Variants in GRM7 observed in about 807,000 individuals in gnomAD.
The protein encoded by GRM7 is metabotropic glutamate receptor 7.
Under a neutral mutation model 84.5 loss-of-function variants are expected in GRM7, and 35 were observed. The observed-to-expected ratio is 0.41, with a 90% CI of 0.32 to 0.55. The LOEUF (loss-of-function observed/expected upper bound fraction) is 0.55, where lower values mean the gene tolerates loss of function less well. Ranked by LOEUF, GRM7 falls within the 20% of genes least tolerant of loss-of-function variation. The pLI is 0.19. For synonymous variants in GRM7, 487 were observed against 455.1 expected (o/e 1.07, Z -0.89); for missense variants, 1,003 against 1,194.6 (o/e 0.84, Z 2.36).
At chr3:7,077,240 T>C (rs1698119836) in intron 1 of GRM7, among the ~76,000 whole-genome samples, 1 of 152,202 alleles carries the variant, frequency 6.6e-6, no homozygotes, top group Non-Finnish European at 1.5e-5. Context: ...CCCAAAGGAT[T>C]ATAAATCATT....
At chr3:7,604,940 C>T (rs1214650493) in intron 8 of GRM7, among the ~76,000 whole-genome samples, 1 of 152,112 alleles carries the variant, frequency 6.6e-6, no homozygotes. Context: ...GCTTCCTTAT[C>T]TAATCAAAAC....
Position 7,224,065 on chromosome 3 carries a change from A to G in GRM7, c.737-74619A>G, listed in dbSNP as rs75025693. Among the ~76,000 whole-genome samples, 219 of 152,322 alleles carry G rather than the reference A, an allele frequency of 1.4e-3. 4 individuals carry two copies. In the East Asian group the frequency reaches 0.035, roughly 24 times the overall value. ...AATCATCCTAGAGAAGCTATATCCA[A>G]CTTGGTATTAGTCCATTCTTACACT... On this transcript the variant is annotated intron_variant, in intron 2 of 9. Transcript: ENST00000357716.
At chr3:7,576,165 A>G (rs1385868431) in intron 7 of GRM7, among the ~76,000 whole-genome samples, 2 of 152,128 alleles carry the variant, frequency 1.3e-5, no homozygotes, top group Non-Finnish European at 2.9e-5. Context: ...CAGTTCTTTT[A>G]GGTTCCAACT....
intron 4 of GRM7, among the ~76,000 whole-genome samples, chr3:7,404,196 AAG>A (rs1695578541): frequency 6.6e-6 from 1 of 152,172 alleles, no homozygotes; most frequent in Non-Finnish European, 1.5e-5. Context: ...ACTTCCTAGA[AAG>A]AGGGGCTCTA....
At chr3:7,298,930 T>G in intron 3 of GRM7, 105 bp downstream of exon 3, 3 of 1,051,056 alleles carry the variant, frequency 2.9e-6, no homozygotes, top group Non-Finnish European at 4.3e-6. Flanking sequence ...AGATCAAAGC[T>G]GTAATCATAC....
At chr3:7,218,813 AAT>A (rs71307750) in intron 2 of GRM7, among the ~76,000 whole-genome samples, 1 of 151,702 alleles carries the variant, frequency 6.6e-6, no homozygotes, top group South Asian at 2.1e-4. Context: ...GTGCATTACA[AAT>A]ATATATATTT....
chr3:7,305,970 A>G (rs1700181069), intron 3 of GRM7, among the ~76,000 whole-genome samples: 1 of 152,182 alleles, frequency 6.6e-6, no homozygotes, highest in Non-Finnish European at 1.5e-5. Context: ...ATGTATATAT[A>G]ATACTTTCAA....
chr3:7,159,973 T>A (rs905777753), intron 2 of GRM7, among the ~76,000 whole-genome samples: 1 of 152,184 alleles, frequency 6.6e-6, no homozygotes. Context: ...CATGCTATTA[T>A]GAAAAGCATG....
At position 7,191,864 on chromosome 3, in the gene GRM7, C is replaced by T. The variant is rs571448116; in HGVS notation, c.736+45196C>T. 1.5e-4 allele frequency among the ~76,000 whole-genome samples: 23 copies of T among 151,984 alleles called. No homozygotes were observed. In the South Asian group the frequency reaches 2.5e-3, roughly 16 times the overall value. On this transcript the variant is annotated intron_variant, in intron 2 of 9. Transcript: ENST00000357716. ...ATACAACTATACATGCACAAATAAA[C>T]GTTACTATATATTTAAAAATAAATT...
chr3:6,957,656 A>G (rs1026227831), intron 1 of GRM7, among the ~76,000 whole-genome samples: 1 of 152,208 alleles, frequency 6.6e-6, no homozygotes, highest in Admixed American at 6.5e-5. Context: ...ATTGTAACAT[A>G]GCAAGGGGAC....
intron 1 of GRM7, among the ~76,000 whole-genome samples, chr3:7,096,945 T>C (rs140622711): frequency 1.7e-4 from 26 of 152,274 alleles, no homozygotes; most frequent in Middle Eastern, 3.4e-3. Flanking sequence ...AAGTGAACAT[T>C]AATAGTAGAA....
intron 1 of GRM7, among the ~76,000 whole-genome samples, chr3:6,866,659 T>C (rs1694947363): frequency 6.6e-6 from 1 of 152,210 alleles, no homozygotes. Flanking sequence ...GAGTGAGAAC[T>C]GTGGAATTTA....
At chr3:7,634,340 G>A (rs1233633850) in intron 8 of GRM7, among the ~76,000 whole-genome samples, 4 of 152,000 alleles carry the variant, frequency 2.6e-5, no homozygotes, top group Non-Finnish European at 5.9e-5. Flanking sequence ...TCAATTAGGA[G>A]CCTATTTCTT....
At chr3:7,707,198 A>G (rs765226030) in intron 9 of GRM7, among the ~76,000 whole-genome samples, 8 of 152,150 alleles carry the variant, frequency 5.3e-5, no homozygotes, top group Non-Finnish European at 7.3e-5. Context: ...CTCCCTTGCT[A>G]GCTTCAAAAA....
chr3:7,547,205 T>G lies in GRM7; in HGVS notation c.1516-31217T>G, dbSNP rs986209450. On this transcript the variant is annotated intron_variant, in intron 7 of 9. Transcript: ENST00000357716. ...CCAGAGAGTGAATTCTTTTTTTTTTTTTTTTTTTTTTTTTTTTTTGAGACG... is the reference window on the plus strand; with the variant it reads ...CCAGAGAGTGAATTCTTTTTTTTTTGTTTTTTTTTTTTTTTTTTTGAGACG... Among the ~76,000 whole-genome samples, 162 of 134,060 alleles carry G rather than the reference T, an allele frequency of 1.2e-3. 8 individuals are homozygous for G. The highest frequency in any genetic ancestry group is 3.7e-3 in the African/African-American group (127 of 34,466). 87.9% of individuals were successfully genotyped at this position (134,060 alleles called of 152,430 possible). A position where few individuals can be genotyped will look rare whatever the true frequency, so the allele number is the denominator to read the frequency against.
At chr3:7,179,358 G>C (rs1173463523) in intron 2 of GRM7, among the ~76,000 whole-genome samples, 4 of 152,130 alleles carry the variant, frequency 2.6e-5, no homozygotes, top group Non-Finnish European at 5.9e-5. Flanking sequence ...TCTAATATAT[G>C]CAAGTGACTC....
intron 1 of GRM7, among the ~76,000 whole-genome samples, chr3:6,921,537 A>G (rs1273551270): frequency 6.6e-6 from 1 of 151,958 alleles, no homozygotes; most frequent in African/African-American, 2.4e-5. Flanking sequence ...CCTAAGGCTC[A>G]GGATGCCCAG....
At chr3:7,569,117 C>A (rs1694507276) in intron 7 of GRM7, among the ~76,000 whole-genome samples, 1 of 152,174 alleles carries the variant, frequency 6.6e-6, no homozygotes, top group South Asian at 2.1e-4. Flanking sequence ...GTAAATACAC[C>A]TATCAGCACT....
chr3:7,286,743 G>A (rs1277495649), intron 2 of GRM7, among the ~76,000 whole-genome samples: 1 of 152,026 alleles, frequency 6.6e-6, no homozygotes, highest in Admixed American at 6.6e-5. Context: ...TTTCAAGACT[G>A]TTGCAAATGG....
Sources: gnomAD v4.1 joint callset for allele counts (sites outside exome capture counted in the v4.1 genomes callset) on GRCh38, gnomAD v4.1.1 for gene constraint, MANE v1.5 for transcripts, NCBI Gene and HGNC (gene_info 2026-07-23, HGNC 2026-07-21) for gene names.